The following NPAS3 variants were observed in gnomAD, a reference collection of about 807,000 sequenced individuals.
NPAS3 encodes the protein neuronal PAS domain-containing protein 3.
NPAS3 carries 14 observed loss-of-function variants against 73.1 expected under a neutral mutation model. The observed-to-expected ratio is 0.19, with a 90% CI of 0.13 to 0.30. NPAS3 has a LOEUF of 0.30. Among genes scored for constraint, NPAS3 ranks in the 10% least tolerant of loss-of-function variants. NPAS3 has a pLI of 1.00. For synonymous variants in NPAS3, 620 were observed against 541.5 expected (o/e 1.14, Z -2.01); for missense variants, 1,096 against 1,250.0 (o/e 0.88, Z 1.86).
chr14:33,240,161 A>G (rs912831668), intron 3 of NPAS3, among the ~76,000 whole-genome samples: 26 of 151,838 alleles, frequency 1.7e-4, no homozygotes, highest in Non-Finnish European at 8.8e-5. Flanking sequence ...TGATTTGATA[A>G]TCTTTTGCAA....
At chr14:33,308,884 G>C (rs1026636479) in intron 3 of NPAS3, among the ~76,000 whole-genome samples, 3 of 152,038 alleles carry the variant, frequency 2.0e-5, no homozygotes, top group Admixed American at 6.6e-5. Flanking sequence ...TAGCATTCTA[G>C]GAAAAAGTTT....
intron 5 of NPAS3, among the ~76,000 whole-genome samples, chr14:33,560,708 A>G (rs1218585223): frequency 1.3e-5 from 2 of 152,214 alleles, no homozygotes; most frequent in Non-Finnish European, 2.9e-5. Flanking sequence ...AATGCTTCCT[A>G]ATGCTGAAAG....
intron 4 of NPAS3, among the ~76,000 whole-genome samples, chr14:33,510,348 C>T (rs2052985853): frequency 6.6e-6 from 1 of 152,054 alleles, no homozygotes; most frequent in Admixed American, 6.6e-5. Flanking sequence ...CTCACTAGCG[C>T]TTTCACAATC....
intron 1 of NPAS3, among the ~76,000 whole-genome samples, chr14:33,046,834 G>A (rs544894108): frequency 6.6e-5 from 10 of 152,236 alleles, no homozygotes; most frequent in Admixed American, 6.5e-4. Context: ...AAATTAGCCA[G>A]GCATGGTGGC....
chr14:33,269,243 A>T (rs990360242), intron 3 of NPAS3, among the ~76,000 whole-genome samples: 1 of 152,204 alleles, frequency 6.6e-6, no homozygotes, highest in Non-Finnish European at 1.5e-5. Context: ...CTTTAGTGAA[A>T]ATCCTTTACC....
intron 4 of NPAS3, 100 bp from the exon 5 acceptor site, chr14:33,560,021 A>G: frequency 1.7e-6 from 1 of 588,364 alleles, no homozygotes; most frequent in Non-Finnish European, 3.0e-6. Context: ...AAAAAAAAAA[A>G]AAAAATTCAA....
intron 2 of NPAS3, among the ~76,000 whole-genome samples, chr14:33,081,343 G>A (rs1301886876): frequency 6.6e-6 from 1 of 151,932 alleles, no homozygotes; most frequent in East Asian, 1.9e-4. Context: ...ATATCTATCT[G>A]GTTTAAGAGA....
chr14:33,308,527 T>TATATACACACACACAC, intron 3 of NPAS3, among the ~76,000 whole-genome samples: 2 of 103,720 alleles, frequency 1.9e-5, no homozygotes, highest in African/African-American at 4.6e-5. Context: ...TATATATATA[T>TATATACACACACACAC]ACATACACAC....
intron 4 of NPAS3, among the ~76,000 whole-genome samples, chr14:33,466,279 T>G (rs1440034341): frequency 6.6e-6 from 1 of 152,224 alleles, no homozygotes; most frequent in Non-Finnish European, 1.5e-5. Context: ...TGGAGACCCC[T>G]GTCTTTCCTA....
chr14:33,266,082 A>C (rs1255376262), intron 3 of NPAS3, among the ~76,000 whole-genome samples: 1 of 151,968 alleles, frequency 6.6e-6, no homozygotes, highest in Non-Finnish European at 1.5e-5. Context: ...AGAAGCTAAC[A>C]TTGCAGAATT....
intron 2 of NPAS3, among the ~76,000 whole-genome samples, chr14:33,167,095 A>G (rs2045189298): frequency 6.6e-6 from 1 of 152,162 alleles, no homozygotes; most frequent in African/African-American, 2.4e-5. Context: ...TCTTAGAAGA[A>G]TAGAATTTAC....
intron 5 of NPAS3, among the ~76,000 whole-genome samples, chr14:33,580,966 A>G (rs1172932908): frequency 6.6e-6 from 1 of 152,210 alleles, no homozygotes; most frequent in African/African-American, 2.4e-5. Context: ...ACATCAAAAT[A>G]TGTGAACCTT....
At chr14:33,693,525 C>G (rs2060291379) in intron 6 of NPAS3, among the ~76,000 whole-genome samples, 1 of 152,132 alleles carries the variant, frequency 6.6e-6, no homozygotes, top group Non-Finnish European at 1.5e-5. Flanking sequence ...AGCAACAAAA[C>G]TCAGTCAACC....
chr14:33,746,048 A>G (rs1354203957), intron 7 of NPAS3, among the ~76,000 whole-genome samples: 2 of 152,166 alleles, frequency 1.3e-5, no homozygotes, highest in African/African-American at 4.8e-5. Context: ...TAGAGCATCT[A>G]TATCCCAGAA....
intron 5 of NPAS3, among the ~76,000 whole-genome samples, chr14:33,666,251 C>T (rs2059447758): frequency 9.2e-5 from 14 of 152,174 alleles, no homozygotes; most frequent in Admixed American, 8.5e-4. Flanking sequence ...AATACACCAC[C>T]CCTGCTCTTA....
chr14:32,945,632 T>C (rs985131463), intron 1 of NPAS3, among the ~76,000 whole-genome samples: 2 of 152,146 alleles, frequency 1.3e-5, no homozygotes, highest in Admixed American at 6.5e-5. Flanking sequence ...TTTCAGACTT[T>C]CCAAACTCAG....
Position 33,285,768 on chromosome 14 carries a change from C to T in NPAS3, c.385+70342C>T, listed in dbSNP as rs2041848802. On this transcript the variant is annotated intron_variant, in intron 3 of 11. Coordinates refer to ENST00000356141, the Ensembl canonical transcript of NPAS3. ...CAGTGCCTCCTGCCTGGATTACTCC[C>T]CATTCCCCTACCGTTGCTCCCTTTT... is the stretch of plus-strand genomic sequence containing the variant. Among the ~76,000 whole-genome samples, 3 of 152,206 alleles carry T rather than the reference C, an allele frequency of 2.0e-5. No individual in the cohort carries two copies. In the South Asian group the frequency reaches 6.2e-4, roughly 32 times the overall value.
intron 3 of NPAS3, among the ~76,000 whole-genome samples, chr14:33,336,753 G>A (rs1183540693): frequency 2.0e-5 from 3 of 152,158 alleles, no homozygotes; most frequent in Non-Finnish European, 4.4e-5. Context: ...AAGAGGAGAT[G>A]TACATGATCT....
chr14:33,504,772 C>T (rs1381016387), intron 4 of NPAS3, among the ~76,000 whole-genome samples: 1 of 151,952 alleles, frequency 6.6e-6, no homozygotes, highest in Non-Finnish European at 1.5e-5. Context: ...TGTTTTGAGA[C>T]TTTGGGGAAG....
Sources: allele counts gnomAD v4.1 joint callset (sites outside exome capture counted in the v4.1 genomes callset), GRCh38; gene constraint gnomAD v4.1.1; transcripts MANE v1.5; gene names NCBI Gene and HGNC (gene_info 2026-07-23, HGNC 2026-07-21).